Variants in BCL7B observed in about 807,000 individuals in gnomAD.
BCL7B encodes B-cell CLL/lymphoma 7 protein family member B.
BCL7B carries 11 observed loss-of-function variants against 26.5 expected under a neutral mutation model. The observed-to-expected ratio is 0.42, with a 90% CI of 0.26 to 0.69. BCL7B has a LOEUF of 0.69. Ranked by LOEUF, BCL7B falls within the 30% of genes least tolerant of loss-of-function variation. The pLI is 0.28. For synonymous variants in BCL7B, 111 were observed against 107.9 expected (o/e 1.03, Z -0.18); for missense variants, 215 against 264.4 (o/e 0.81, Z 1.30).
chr7:73,550,274 G>A (rs1343489928), intron 2 of BCL7B, among the ~76,000 whole-genome samples: 4 of 152,122 alleles, frequency 2.6e-5, no homozygotes, highest in Non-Finnish European at 4.4e-5. Context: ...GGCCAGGCAC[G>A]GTGGTTCATG....
At chr7:73,556,080 G>A (rs1203655090) in intron 1 of BCL7B, among the ~76,000 whole-genome samples, 5 of 152,214 alleles carry the variant, frequency 3.3e-5, no homozygotes, top group African/African-American at 1.2e-4. Flanking sequence ...AGAAGAGAAA[G>A]GTGTACCTGT....
At chr7:73,546,185 C>G (rs1374933877) in intron 2 of BCL7B, among the ~76,000 whole-genome samples, 2 of 151,424 alleles carry the variant, frequency 1.3e-5, no homozygotes, top group Non-Finnish European at 1.5e-5. Context: ...CCGTCCTCCT[C>G]GTAGTTACAC....
In BCL7B at chr7:73,550,550, AC is replaced by A. The variant is rs1382153188; in HGVS notation, c.168+1616del. Among the ~76,000 whole-genome samples the A allele has an allele frequency of 3.3e-3, 457 of 139,688 alleles. 2 individuals carry two copies. Among genetic ancestry groups the A allele is most frequent in the African/African-American group, 0.011 (440 of 40,488 alleles). The allele number at this position is 139,688 out of a possible 152,430, so 91.6% of individuals were successfully genotyped here. On this transcript the variant is annotated intron_variant, in intron 2 of 5. Transcript: ENST00000223368. ...CAGAGCGAGAGTCCGTCTCAAAAAA[AC>A]AAAAAAGCAAAAAACCCCAAATTAA...
At chr7:73,554,778 A>T (rs1554584540) in intron 1 of BCL7B, among the ~76,000 whole-genome samples, 1 of 150,598 alleles carries the variant, frequency 6.6e-6, no homozygotes. Flanking sequence ...AGCCTGGGTG[A>T]CAGGCAAGAC....
chr7:73,557,205 A>G (rs1792395331), intron 1 of BCL7B: 1 of 1,047,050 alleles, frequency 9.6e-7, no homozygotes, highest in African/African-American at 1.7e-5. Context: ...CACCGACGCC[A>G]GGCAGCTCCA....
intron 2 of BCL7B, among the ~76,000 whole-genome samples, chr7:73,548,379 G>C (rs1242489794): frequency 1.3e-5 from 2 of 152,002 alleles, no homozygotes; most frequent in East Asian, 1.9e-4. Flanking sequence ...AGTGAGCTTA[G>C]ATCGCACCAC....
chr7:73,552,304 T>G, intron 1 of BCL7B, 62 bp from the exon 2 acceptor site: 2 of 1,355,744 alleles, frequency 1.5e-6, no homozygotes, highest in East Asian at 4.6e-5. Context: ...GTTCATCACT[T>G]GTGTTTTTCT....
intron 1 of BCL7B, chr7:73,557,260 G>A (rs1792402514): frequency 1.8e-6 from 2 of 1,119,142 alleles, no homozygotes; most frequent in South Asian, 4.4e-5. Flanking sequence ...GCGCGCGGCA[G>A]CAGCCGCAGC....
At chr7:73,552,124 GAAAT>G (rs1563431815) in intron 2 of BCL7B, 39 bp downstream of exon 2, 1 of 1,296,152 alleles carries the variant, frequency 7.7e-7, no homozygotes, top group Non-Finnish European at 1.1e-6. Flanking sequence ...ATCAAATAAA[GAAAT>G]AAAGAAAATG....
At chr7:73,555,539 G>A (rs1792330347) in intron 1 of BCL7B, among the ~76,000 whole-genome samples, 1 of 152,088 alleles carries the variant, frequency 6.6e-6, no homozygotes, top group African/African-American at 2.4e-5. Context: ...AGCTGAGCTA[G>A]GAGTTAACTC....
intron 3 of BCL7B, 68 bp from the exon 4 acceptor site, chr7:73,540,120 G>A (rs578217553): frequency 6.5e-7 from 1 of 1,530,956 alleles, no homozygotes. Flanking sequence ...ACTCTGGACA[G>A]AGCCAAGGGC....
chr7:73,556,251 CAAAT>C (rs1434066077), intron 1 of BCL7B, among the ~76,000 whole-genome samples: 2 of 152,176 alleles, frequency 1.3e-5, no homozygotes, highest in East Asian at 1.9e-4. Context: ...GATAAACACA[CAAAT>C]AAAGTCCAAC....
intron 2 of BCL7B, among the ~76,000 whole-genome samples, chr7:73,551,394 G>A (rs1163851725): frequency 6.6e-6 from 1 of 152,184 alleles, no homozygotes; most frequent in African/African-American, 2.4e-5. Context: ...CTGCCTTACA[G>A]GTTCAAGCGA....
intron 2 of BCL7B, among the ~76,000 whole-genome samples, chr7:73,550,193 C>G (rs1554583952): frequency 6.6e-6 from 1 of 152,052 alleles, no homozygotes; most frequent in Admixed American, 6.6e-5. Context: ...TAAGAAAATG[C>G]AATGCATGAG....
At chr7:73,543,683 C>G in intron 2 of BCL7B, 39 bp from the exon 3 acceptor site, 1 of 1,539,814 alleles carries the variant, frequency 6.5e-7, no homozygotes, top group African/African-American at 1.4e-5. Flanking sequence ...CAGAGCCAAG[C>G]AGGAGACTCA....
Position 73,554,476 on chromosome 7 carries a change from T to C in BCL7B, c.93-2234A>G, listed in dbSNP as rs561872521. On this transcript the variant is annotated intron_variant, in intron 1 of 5. Coordinates refer to ENST00000223368, the MANE Select transcript of BCL7B (RefSeq NM_001707.4). ...AAAGCAAAAAAAAAGCAACTGCTGT[T>C]GTAGTTGTTGATGCTGTTCAGCAAA... is the stretch of plus-strand genomic sequence containing the variant. Among the ~76,000 whole-genome samples, 4 of 151,942 alleles carry C rather than the reference T, an allele frequency of 2.6e-5. No individual in the cohort carries two copies. In the East Asian group the frequency reaches 7.7e-4, roughly 29 times the overall value.
chr7:73,544,833 A>C (rs1563426611), intron 2 of BCL7B, among the ~76,000 whole-genome samples: 2 of 152,016 alleles, frequency 1.3e-5, no homozygotes, highest in Non-Finnish European at 2.9e-5. Flanking sequence ...CGGAGGTGGG[A>C]GGATCCCTTG....
At chr7:73,556,569 A>G (rs1792366955) in intron 1 of BCL7B, among the ~76,000 whole-genome samples, 1 of 152,204 alleles carries the variant, frequency 6.6e-6, no homozygotes, top group South Asian at 2.1e-4. Context: ...TCCGATACAC[A>G]CCGATATAGT....
Position 73,537,210 on chromosome 7 carries a change from G to A in BCL7B, c.*88C>T. The A allele has an allele frequency of 7.5e-7, 1 of 1,329,938 alleles. No homozygotes were observed. The highest frequency in any genetic ancestry group is 1.1e-6 in the Non-Finnish European group (1 of 934,618). The allele number at this position is 1,329,938 out of a possible 1,614,324, so 82.4% of individuals were successfully genotyped here. ...ATGTGTGCAGGCTCTTGACCCCAGT[G>A]CTTGCCCTTACCCCAGCAACGCGGC... is the stretch of plus-strand genomic sequence containing the variant. On this transcript the variant is annotated 3_prime_UTR_variant, in exon 6 of 6. Coordinates refer to ENST00000223368, the MANE Select transcript of BCL7B (RefSeq NM_001707.4).
Sources: allele counts gnomAD v4.1 joint callset (sites outside exome capture counted in the v4.1 genomes callset), GRCh38; gene constraint gnomAD v4.1.1; transcripts MANE v1.5; gene names NCBI Gene and HGNC (gene_info 2026-07-23, HGNC 2026-07-21).